AOPEP: variants seen among roughly 807,000 people sequenced by gnomAD.
AOPEP encodes the protein aminopeptidase O (putative).
In AOPEP, 77 loss-of-function variants were observed where a neutral mutation model predicts 98.1. The observed-to-expected ratio is 0.78, with a 90% CI of 0.65 to 0.95. AOPEP has a LOEUF of 0.95. Among genes scored for constraint, AOPEP ranks in the 40% least tolerant of loss-of-function variants. AOPEP has a pLI of 0.00. For missense variants in AOPEP, 1,024 were observed against 1,024.7 expected (o/e 1.00, Z 0.01); for synonymous variants, 346 against 365.3 (o/e 0.95, Z 0.60).
intron 5 of AOPEP, among the ~76,000 whole-genome samples, chr9:94,865,195 C>G (rs577760039): frequency 2.0e-5 from 3 of 152,036 alleles, no homozygotes; most frequent in Non-Finnish European, 4.4e-5. Flanking sequence ...CATGTAGAAA[C>G]GTTAATCAAC....
In AOPEP at chr9:94,980,219, C is replaced by G. The variant is rs570519279; in HGVS notation, c.1977+792C>G. Among the ~76,000 whole-genome samples, 103 of 152,360 alleles carry G rather than the reference C, an allele frequency of 6.8e-4. No homozygotes were observed. The highest frequency in any genetic ancestry group is 2.4e-3 in the African/African-American group (99 of 41,590). Reference sequence around the variant, plus strand: ...AAATCAAATGCTGGCCATGGCAAGCCTAGGCCCTGGGAAGTCTGAGGGTGG... The same window carrying G: ...AAATCAAATGCTGGCCATGGCAAGCGTAGGCCCTGGGAAGTCTGAGGGTGG... On this transcript the variant is annotated intron_variant, in intron 11 of 16. Transcript: ENST00000375315. This position sits in a 1 kb window ranked among gnomAD's most constrained non-coding sequence, Gnocchi z 4.3.
At chr9:94,742,901 G>A (rs1052744439) in intron 1 of AOPEP, among the ~76,000 whole-genome samples, 4 of 152,100 alleles carry the variant, frequency 2.6e-5, no homozygotes, top group Non-Finnish European at 4.4e-5. Flanking sequence ...TGTTGGAGAA[G>A]CATTGCTTTG....
At chr9:94,999,860 C>T (rs535497528) in intron 11 of AOPEP, among the ~76,000 whole-genome samples, 202 of 152,118 alleles carry the variant, frequency 1.3e-3, no homozygotes, top group Non-Finnish European at 1.6e-3. Flanking sequence ...CACCATTAGC[C>T]TTCATTAGAA....
At chr9:95,090,549 CT>C (rs961679415), downstream of AOPEP, among the ~76,000 whole-genome samples, 15 of 152,252 alleles carry the variant, frequency 9.9e-5, no homozygotes, top group East Asian at 1.9e-4. Context: ...AGGGCCCCCC[CT>C]TCGAAGGGAG....
intron 13 of AOPEP, among the ~76,000 whole-genome samples, chr9:95,034,125 G>C (rs2064566016): frequency 6.6e-6 from 1 of 152,174 alleles, no homozygotes; most frequent in Admixed American, 6.5e-5. Context: ...CGTTGATACT[G>C]CTTTATTCCA....
At chr9:94,872,166 A>G (rs2046418514) in intron 5 of AOPEP, among the ~76,000 whole-genome samples, 1 of 152,148 alleles carries the variant, frequency 6.6e-6, no homozygotes, top group Admixed American at 6.5e-5. Flanking sequence ...TTCTGGGTAT[A>G]TGAATAAGTG....
At chr9:94,741,365 C>A (rs1297191785) in intron 1 of AOPEP, among the ~76,000 whole-genome samples, 2 of 151,938 alleles carry the variant, frequency 1.3e-5, no homozygotes, top group African/African-American at 4.8e-5. Context: ...CTCCGCCTCC[C>A]AGGTTCACGC....
intron 3 of AOPEP, among the ~76,000 whole-genome samples, chr9:94,783,906 T>G (rs142003009): frequency 6.6e-6 from 1 of 152,204 alleles, no homozygotes; most frequent in Non-Finnish European, 1.5e-5. Flanking sequence ...AGAAACAATT[T>G]TGAGGTAGCA....
chr9:94,845,458 A>G (rs559031551), intron 5 of AOPEP, among the ~76,000 whole-genome samples: 42 of 152,322 alleles, frequency 2.8e-4, no homozygotes, highest in African/African-American at 9.9e-4. Flanking sequence ...AGTAAGGAGT[A>G]ACACGATTTG....
chr9:94,839,103 T>G (rs1588478525), intron 5 of AOPEP, among the ~76,000 whole-genome samples: 1 of 97,932 alleles, frequency 1.0e-5, no homozygotes, highest in Non-Finnish European at 2.1e-5. Context: ...TTTTTTTTTT[T>G]GAGAGGGAGT....
intron 5 of AOPEP, among the ~76,000 whole-genome samples, chr9:94,802,945 C>T (rs186493424): frequency 7.0e-4 from 106 of 152,198 alleles, no homozygotes; most frequent in Admixed American, 2.4e-3. Context: ...TTGACTCTGT[C>T]GGGATCCCAA....
chr9:94,967,909 T>A (rs1410354229), intron 10 of AOPEP, 108 bp downstream of exon 10: 8 of 927,522 alleles, frequency 8.6e-6, no homozygotes, highest in Admixed American at 1.8e-5. Context: ...TCTTTCTGTC[T>A]AATAGAGGCA....
intron 11 of AOPEP, chr9:95,004,323 T>G (rs1015033023): frequency 2.2e-6 from 1 of 456,100 alleles, no homozygotes; most frequent in African/African-American, 2.0e-5. Context: ...TGAAAACAGA[T>G]TGACCCCTTC....
chr9:94,743,925 A>C (rs777066789), intron 1 of AOPEP, among the ~76,000 whole-genome samples: 3 of 152,180 alleles, frequency 2.0e-5, no homozygotes, highest in Non-Finnish European at 4.4e-5. Flanking sequence ...GGGACTTGGG[A>C]GTCCCAGTGA....
At chr9:95,093,676 C>T in the AOPEP span, among the ~76,000 whole-genome samples, 6 of 152,218 alleles carry the variant, frequency 3.9e-5, no homozygotes, top group Admixed American at 6.5e-5. Context: ...TCCACCCTGG[C>T]GCCGGCAAGC....
At chr9:95,103,329 T>A in the AOPEP span, among the ~76,000 whole-genome samples, 1 of 152,234 alleles carries the variant, frequency 6.6e-6, no homozygotes, top group Non-Finnish European at 1.5e-5. Context: ...CTGGAAAACC[T>A]GCCTCCCTGC....
intron 7 of AOPEP, among the ~76,000 whole-genome samples, chr9:94,941,912 A>G (rs754325451): frequency 6.6e-6 from 1 of 152,220 alleles, no homozygotes; most frequent in Non-Finnish European, 1.5e-5. Flanking sequence ...AGCACATAGT[A>G]AGAAAATTCA....
intron 5 of AOPEP, among the ~76,000 whole-genome samples, chr9:94,826,395 A>G (rs138892211): frequency 2.0e-5 from 3 of 152,314 alleles, no homozygotes; most frequent in African/African-American, 7.2e-5. Flanking sequence ...GTACAGAGCT[A>G]TAATAGAGAC....
chr9:94,935,475 C>T (rs1180695579), intron 7 of AOPEP: 2 of 152,468 alleles, frequency 1.3e-5, no homozygotes, highest in African/African-American at 4.8e-5. Context: ...TGACATCAGG[C>T]CAGGTCATGC....
Sources: gnomAD v4.1 joint callset for allele counts (sites outside exome capture counted in the v4.1 genomes callset) on GRCh38, gnomAD v4.1.1 for gene constraint, Gnocchi (gnomAD v3.1) non-coding constraint, MANE v1.5 for transcripts, NCBI Gene and HGNC (gene_info 2026-07-23, HGNC 2026-07-21) for gene names.